Variants in COL6A5 observed in about 807,000 individuals in gnomAD.
The protein encoded by COL6A5 is collagen type VI alpha 5 chain, also known as collagen alpha-5(VI) chain.
A neutral mutation model predicts 65.6 loss-of-function variants in COL6A5; 48 were observed. The observed-to-expected ratio is 0.73, with a 90% confidence interval of 0.58 to 0.93. The LOEUF is 0.93. Among genes scored for constraint, COL6A5 ranks in the 40% least tolerant of loss-of-function variants. COL6A5 has a pLI of 0.00. For synonymous variants in COL6A5, 291 were observed against 322.8 expected, an observed-to-expected ratio of 0.90 and a Z score of 1.05; for missense variants, 914 against 928.3, an observed-to-expected ratio of 0.98 and a Z score of 0.20.
exon 6 of COL6A5, chr3:130,468,842 C>A (rs765782001): frequency 9.3e-6 from 15 of 1,610,910 alleles, no homozygotes; most frequent in Non-Finnish European, 1.3e-5. Flanking sequence ...TACTTATGAA[C>A]CTGGAGATGT....
chr3:130,366,459 C>T (rs765070560), intron 1 of COL6A5, among the ~76,000 whole-genome samples: 6 of 152,154 alleles, frequency 3.9e-5, no homozygotes, highest in South Asian at 2.1e-4. Flanking sequence ...TGTTCCCAGA[C>T]GGCCTGTACT....
exon 3 of COL6A5, chr3:130,440,614 G>A: frequency 6.2e-7 from 1 of 1,613,392 alleles, no homozygotes; most frequent in Non-Finnish European, 8.5e-7. Flanking sequence ...AAAATTATGA[G>A]AGAAAAGAAT....
intron 7 of COL6A5, among the ~76,000 whole-genome samples, chr3:130,479,467 AC>A (rs1206641424): frequency 1.3e-5 from 2 of 151,324 alleles, no homozygotes; most frequent in East Asian, 3.9e-4. Flanking sequence ...AAACCACAAA[AC>A]AGAAAACAAA....
chr3:130,381,397 T>C (rs569493534), intron 4 of COL6A5, among the ~76,000 whole-genome samples: 63 of 152,252 alleles, frequency 4.1e-4, no homozygotes, highest in Non-Finnish European at 7.1e-4. Flanking sequence ...TTAAAACATA[T>C]CTTAAATTGT....
chr3:130,379,651 C>G, exon 4 of COL6A5: 1 of 1,551,424 alleles, frequency 6.4e-7, no homozygotes, highest in Non-Finnish European at 8.7e-7. Flanking sequence ...ATTTCAGCAG[C>G]AAATCAAGAA....
At chr3:130,390,961 A>G (rs776639819) in intron 6 of COL6A5, among the ~76,000 whole-genome samples, 9 of 152,218 alleles carry the variant, frequency 5.9e-5, no homozygotes, top group Non-Finnish European at 1.5e-5. Flanking sequence ...TAGATAGGGT[A>G]CAAATGTCTT....
intron 8 of COL6A5, among the ~76,000 whole-genome samples, chr3:130,397,011 C>T (rs906229047): frequency 2.6e-5 from 4 of 152,076 alleles, no homozygotes; most frequent in Non-Finnish European, 4.4e-5. Context: ...TACAGGCGCC[C>T]GCCACCACAC....
chr3:130,372,549 A>G (rs1157834806), intron 1 of COL6A5, among the ~76,000 whole-genome samples: 2 of 152,202 alleles, frequency 1.3e-5, no homozygotes, highest in South Asian at 2.1e-4. Flanking sequence ...AAAACATACT[A>G]AATGAAAGAA....
At chr3:130,431,230 G>A (rs1937787462), upstream of COL6A5, 7 of 686,038 alleles carry the variant, frequency 1.0e-5, no homozygotes, top group Admixed American at 4.0e-5. Flanking sequence ...TTGATAGTGG[G>A]CTGTGAAGTC....
chr3:130,392,667 T>C (rs1266053962), intron 7 of COL6A5, among the ~76,000 whole-genome samples: 1 of 152,184 alleles, frequency 6.6e-6, no homozygotes, highest in Non-Finnish European at 1.5e-5. Flanking sequence ...TTGTCACTAA[T>C]ATAAATCATG....
chr3:130,359,374 T>G (rs1935030345), intron 1 of COL6A5, among the ~76,000 whole-genome samples: 1 of 152,062 alleles, frequency 6.6e-6, no homozygotes, highest in Admixed American at 6.5e-5. Context: ...TAGGCACAGT[T>G]TTTTAGAAGC....
At chr3:130,452,822 C>T (rs927469775) in intron 4 of COL6A5, among the ~76,000 whole-genome samples, 1 of 152,096 alleles carries the variant, frequency 6.6e-6, no homozygotes, top group African/African-American at 2.4e-5. Context: ...CAGTTTCGAC[C>T]ATAGAATACG....
chr3:130,475,215 A>G (rs569164591), intron 7 of COL6A5, among the ~76,000 whole-genome samples: 204 of 151,988 alleles, frequency 1.3e-3, no homozygotes, highest in Middle Eastern at 6.8e-3. Flanking sequence ...ATTCATGCAG[A>G]AAAAATATTT....
intron 17 of COL6A5, 126 bp downstream of exon 17, chr3:130,406,447 A>G (rs997487983): frequency 1.3e-5 from 9 of 701,386 alleles, no homozygotes; most frequent in East Asian, 2.7e-5. Flanking sequence ...ATGAAGGCCT[A>G]TTGCTACTGA....
In COL6A5 at chr3:130,478,316, G is replaced by A. The variant is rs1710148784; in HGVS notation, c.2329-5719G>A. Among the ~76,000 whole-genome samples the A allele has an allele frequency of 3.3e-5, 5 of 152,064 alleles. No homozygotes were observed. The South Asian group carries it at 1.0e-3, about 32-fold the overall frequency. On this transcript the variant is annotated intron_variant, in intron 7 of 7. Coordinates refer to ENST00000512836, the Ensembl canonical transcript of COL6A5. ...GTTACGGTGAAAAGAACACCCCAGT[G>A]CCAGTTTTAGTTCTGTGGCTAACTG...
chr3:130,439,648 A>G (rs1247420973), intron 2 of COL6A5, 33 bp downstream of exon 34: 2 of 1,449,322 alleles, frequency 1.4e-6, no homozygotes, highest in African/African-American at 2.8e-5. Flanking sequence ...ACTGTGCTGA[A>G]GAGCTTAAAT....
At chr3:130,388,741 A>G in exon 6 of COL6A5, 3 of 1,551,416 alleles carry the variant, frequency 1.9e-6, no homozygotes, top group Non-Finnish European at 1.7e-6. Context: ...GTTCAGTGAT[A>G]AAACTAAGGA....
intron 23 of COL6A5, among the ~76,000 whole-genome samples, chr3:130,416,430 T>TA (rs1203645961): frequency 1.3e-5 from 2 of 152,282 alleles, no homozygotes; most frequent in African/African-American, 4.8e-5. Flanking sequence ...TGTCTTCTTC[T>TA]AAAAAAATCA....
In COL6A5 at chr3:130,479,532, T is replaced by C. The variant is rs963553760; in HGVS notation, c.2329-4503T>C. On this transcript the variant is annotated intron_variant, in intron 7 of 7. Coordinates refer to ENST00000512836, the Ensembl canonical transcript of COL6A5. ...CTTGGAATAGAATCATAGTAAGATA[T>C]CATCACAGGAACCCCCAATACCATA... is the stretch of plus-strand genomic sequence containing the variant. 3.3e-5 allele frequency among the ~76,000 whole-genome samples: 5 copies of C among 152,190 alleles called. No homozygotes were observed. The East Asian group carries it at 9.7e-4, about 29-fold the overall frequency.
Sources: allele counts gnomAD v4.1 joint callset (sites outside exome capture counted in the v4.1 genomes callset), GRCh38; gene constraint gnomAD v4.1.1; transcripts MANE v1.5; gene names NCBI Gene and HGNC (gene_info 2026-07-23, HGNC 2026-07-21).